The following PRKAR1A variants were observed in gnomAD, a reference collection of about 807,000 sequenced individuals.
The protein encoded by PRKAR1A is protein kinase cAMP-dependent type I regulatory subunit alpha.
A neutral mutation model predicts 52.0 loss-of-function variants in PRKAR1A; 3 were observed. That is an observed-to-expected ratio of 0.06 (90% CI 0.03 to 0.15). PRKAR1A has a LOEUF of 0.15. PRKAR1A is among the 10% of genes least tolerant of loss of function. PRKAR1A has a pLI of 1.00. For synonymous variants in PRKAR1A, 188 were observed against 168.4 expected (o/e 1.12, Z -0.90); for missense variants, 240 against 477.4 (o/e 0.50, Z 4.63).
chr17:68,493,343 C>T, the PRKAR1A span, among the ~76,000 whole-genome samples: 1 of 152,120 alleles, frequency 6.6e-6, no homozygotes, highest in African/African-American at 2.4e-5. Context: ...AAGGAAAATA[C>T]ACTTGGAAGA....
chr17:68,539,986 T>C, intron 11 of PRKAR1A: 1 of 1,612,404 alleles, frequency 6.2e-7, no homozygotes, highest in African/African-American at 1.3e-5. Flanking sequence ...AGGGGAGGAC[T>C]TAGCTGGAAC....
the PRKAR1A span, chr17:68,420,595 C>A: frequency 1.9e-6 from 2 of 1,073,146 alleles, no homozygotes; most frequent in Non-Finnish European, 2.7e-6. Flanking sequence ...GTTAGCCTTG[C>A]ATATCCCTTC....
the PRKAR1A span, among the ~76,000 whole-genome samples, chr17:68,466,571 C>T: frequency 6.6e-6 from 1 of 151,776 alleles, no homozygotes; most frequent in Non-Finnish European, 1.5e-5. Flanking sequence ...GCCACCACAC[C>T]TGGCTCATTT....
rs1221012354 is a variant in PRKAR1A, at chr17:68,541,345, C to T, written c.974-9739C>T. 3 of 254,758 alleles carry T rather than the reference C, an allele frequency of 1.2e-5. No individual in the cohort carries two copies. In the South Asian group the frequency reaches 1.5e-4, roughly 13 times the overall value. The allele number at this position is 254,758 out of a possible 1,614,324, so 15.8% of individuals were successfully genotyped here. On this transcript the variant is annotated intron_variant, in intron 11 of 11. Transcript: ENST00000585981. Reference sequence around the variant, plus strand: ...TCCATGGGCTGTTCCTGCCCTTTCTCTCTCACACATGGTTTTCTGCCTACA... The same window carrying T: ...TCCATGGGCTGTTCCTGCCCTTTCTTTCTCACACATGGTTTTCTGCCTACA...
chr17:68,497,968 A>G, the PRKAR1A span, among the ~76,000 whole-genome samples: 28 of 152,316 alleles, frequency 1.8e-4, no homozygotes, highest in African/African-American at 6.7e-4. Flanking sequence ...CATGGGTGCC[A>G]AACTACTTAA....
chr17:68,422,048 T>A, the PRKAR1A span: 1 of 573,740 alleles, frequency 1.7e-6, no homozygotes, highest in East Asian at 2.9e-5. Context: ...TGTCTCTGTG[T>A]GTGTGTGTAT....
At chr17:68,515,855 C>T in intron 2 of PRKAR1A, 1 of 429,532 alleles carries the variant, frequency 2.3e-6, no homozygotes, top group Non-Finnish European at 4.3e-6. Context: ...GTGCGTAGAA[C>T]TATAACAGAT....
At chr17:68,544,896 GAAGT>G (rs1203930809) in intron 11 of PRKAR1A, among the ~76,000 whole-genome samples, 5 of 152,142 alleles carry the variant, frequency 3.3e-5, no homozygotes, top group African/African-American at 1.2e-4. Context: ...TGTAAGATAA[GAAGT>G]AATTTTAAAT....
chr17:68,537,531 G>A (rs780208759), downstream of PRKAR1A: 86 of 1,613,656 alleles, frequency 5.3e-5, no homozygotes, highest in Non-Finnish European at 6.4e-5. The surrounding 1 kb of genome is among the most constrained non-coding windows in gnomAD (Gnocchi z 4.2). Context: ...CCACTGGGCC[G>A]TCGACTATGA....
chr17:68,516,274 G>C (rs111826023), intron 2 of PRKAR1A, among the ~76,000 whole-genome samples: 6 of 152,172 alleles, frequency 3.9e-5, no homozygotes, highest in African/African-American at 1.4e-4. Flanking sequence ...TTTTACATCA[G>C]GGATAATTGA....
rs2085996531 is a variant in PRKAR1A at position 68,532,257 on chromosome 17, T to G, written c.*1808T>G. On this transcript the variant is annotated 3_prime_UTR_variant, in exon 11 of 11. Coordinates refer to ENST00000589228, the MANE Select transcript of PRKAR1A (RefSeq NM_002734.5). ...TACAAGCTTAAAGCTTGATTTGATC[T>G]TTGTTTAAATGCCAAAATGTACTTA... The G allele has an allele frequency of 9.6e-7, 1 of 1,044,488 alleles. No individual in the cohort carries two copies. The allele number at this position is 1,044,488 out of a possible 1,614,324, so 64.7% of individuals were successfully genotyped here.
chr17:68,480,751 T>C, the PRKAR1A span, among the ~76,000 whole-genome samples: 1 of 152,212 alleles, frequency 6.6e-6, no homozygotes, highest in African/African-American at 2.4e-5. Context: ...GGATTCATTA[T>C]GTTCCCCAGG....
the PRKAR1A span, among the ~76,000 whole-genome samples, chr17:68,448,813 T>A: frequency 6.6e-6 from 1 of 152,356 alleles, no homozygotes; most frequent in African/African-American, 2.4e-5. Flanking sequence ...CAGATTTCAG[T>A]GAAAACACCT....
chr17:68,517,541 C>T (rs1426696517), intron 2 of PRKAR1A, among the ~76,000 whole-genome samples: 1 of 152,132 alleles, frequency 6.6e-6, no homozygotes, highest in Non-Finnish European at 1.5e-5. Context: ...CCTTATGAAA[C>T]CGTCAGCTAT....
intron 6 of PRKAR1A, 94 bp from the exon 7 acceptor site, chr17:68,525,660 C>A: frequency 7.3e-7 from 1 of 1,360,548 alleles, no homozygotes; most frequent in Non-Finnish European, 1.0e-6. Flanking sequence ...AAACAAAGTT[C>A]AGGATTGTGA....
chr17:68,546,702 C>T (rs1217279270), intron 11 of PRKAR1A, among the ~76,000 whole-genome samples: 1 of 151,714 alleles, frequency 6.6e-6, no homozygotes, highest in African/African-American at 2.4e-5. Flanking sequence ...TGGTGGCCGG[C>T]GCCTGTAGTC....
chr17:68,513,134 C>T (rs889869217), intron 1 of PRKAR1A: 18 of 152,434 alleles, frequency 1.2e-4, no homozygotes, highest in Non-Finnish European at 1.9e-4. Flanking sequence ...AATTTTGCCC[C>T]CCTGAGGCCT....
chr17:68,544,744 A>G (rs1272024657), intron 11 of PRKAR1A, among the ~76,000 whole-genome samples: 1 of 152,212 alleles, frequency 6.6e-6, no homozygotes, highest in Non-Finnish European at 1.5e-5. Context: ...TGGCCAGCTT[A>G]TCATCATCAC....
chr17:68,466,401 T>TTC, the PRKAR1A span, among the ~76,000 whole-genome samples: 5 of 149,042 alleles, frequency 3.4e-5, no homozygotes, highest in African/African-American at 1.3e-4. Context: ...TATTTATGTT[T>TTC]TCTCTCTCTT....
Sources: gnomAD v4.1 joint callset for allele counts (sites outside exome capture counted in the v4.1 genomes callset) on GRCh38, gnomAD v4.1.1 for gene constraint, Gnocchi (gnomAD v3.1) non-coding constraint, MANE v1.5 for transcripts, NCBI Gene and HGNC (gene_info 2026-07-23, HGNC 2026-07-21) for gene names.